Variants in INPP4B observed in about 807,000 individuals in gnomAD.
The protein encoded by INPP4B is inositol polyphosphate-4-phosphatase type II B.
A neutral mutation model predicts 122.5 loss-of-function variants in INPP4B; 55 were observed. The observed-to-expected ratio is 0.45, with a 90% confidence interval of 0.36 to 0.56. The LOEUF (loss-of-function observed/expected upper bound fraction) is 0.56, where lower values mean the gene tolerates loss of function less well. Ranked by LOEUF, INPP4B falls within the 20% of genes least tolerant of loss-of-function variation. The pLI, the probability that INPP4B is intolerant of heterozygous loss-of-function variation, is 0.00. For synonymous variants in INPP4B, 403 were observed against 388.7 expected, an observed-to-expected ratio of 1.04 and a Z score of -0.43; for missense variants, 1,000 against 1,097.7, an observed-to-expected ratio of 0.91 and a Z score of 1.26.
In INPP4B at chr4:142,025,852, A is replaced by C. The variant is rs758400045; in HGVS notation, c.*2930T>G. On this transcript the variant is annotated 3_prime_UTR_variant, in exon 26 of 26. Coordinates refer to ENST00000262992, the MANE Select transcript of INPP4B (RefSeq NM_001101669.3). The stretch of plus-strand genomic sequence containing the variant: ...AACAAATGGTTGCTCGACTCACTGA[A>C]TTATGAGGCTGACCAAACTTATGTT... 1 of 152,184 alleles carries C rather than the reference A, an allele frequency of 6.6e-6. No homozygotes were observed. The highest frequency in any genetic ancestry group is 1.5e-5 in the Non-Finnish European group (1 of 68,046). 9.4% of individuals were successfully genotyped at this position (152,184 alleles called of 1,614,324 possible).
chr4:142,312,088 C>T (rs1372043674), intron 8 of INPP4B, among the ~76,000 whole-genome samples: 1 of 152,174 alleles, frequency 6.6e-6, no homozygotes, highest in Admixed American at 6.5e-5. Context: ...TCACAGGATA[C>T]CAATTGAGAT....
intron 23 of INPP4B, among the ~76,000 whole-genome samples, chr4:142,091,111 G>A (rs1413727032): frequency 6.6e-6 from 1 of 152,070 alleles, no homozygotes; most frequent in Non-Finnish European, 1.5e-5. Context: ...AACCTGGAGG[G>A]GTACAAAGGG....
At chr4:142,242,421 C>T (rs1242370833) in intron 11 of INPP4B, among the ~76,000 whole-genome samples, 1 of 152,124 alleles carries the variant, frequency 6.6e-6, no homozygotes, top group Non-Finnish European at 1.5e-5. Context: ...TATTTGTCTG[C>T]AGTTGGTGAC....
intron 11 of INPP4B, among the ~76,000 whole-genome samples, chr4:142,249,249 C>T (rs1730704815): frequency 6.6e-6 from 1 of 152,010 alleles, no homozygotes; most frequent in South Asian, 2.1e-4. Flanking sequence ...GGGGGAAACT[C>T]ACTCTAAATG....
chr4:142,145,815 A>G (rs768503361), intron 18 of INPP4B, 25 bp downstream of exon 18: 20 of 1,608,730 alleles, frequency 1.2e-5, no homozygotes, highest in Middle Eastern at 1.7e-4. Context: ...TCAGTAAATG[A>G]TTGGGAAAAA....
intron 2 of INPP4B, among the ~76,000 whole-genome samples, chr4:142,659,000 T>C (rs1754662514): frequency 6.6e-6 from 1 of 152,188 alleles, no homozygotes; most frequent in Non-Finnish European, 1.5e-5. Flanking sequence ...AAAAGGCGTA[T>C]GTAGAAATAA....
chr4:142,271,919 A>G (rs1393963333), intron 9 of INPP4B, among the ~76,000 whole-genome samples: 1 of 152,216 alleles, frequency 6.6e-6, no homozygotes. Context: ...TCCGAGCAAG[A>G]AAAACTACAG....
Position 142,463,754 on chromosome 4 carries a change from G to C in INPP4B, c.-190-1028C>G, listed in dbSNP as rs920604593. 2.6e-5 allele frequency among the ~76,000 whole-genome samples: 4 copies of C among 152,024 alleles called. No homozygotes were observed. In the East Asian group the frequency reaches 5.8e-4, roughly 22 times the overall value. ...CTCACAAGATCTTATGGTTTTATAA[G>C]ATCTTCCCCCTTTTGCTCTGTGCTT... On this transcript the variant is annotated intron_variant, in intron 2 of 25. Transcript: ENST00000262992.
chr4:142,532,431 T>G (rs1467349804), intron 2 of INPP4B, among the ~76,000 whole-genome samples: 1 of 152,108 alleles, frequency 6.6e-6, no homozygotes, highest in Non-Finnish European at 1.5e-5. Flanking sequence ...TCAGGGAACA[T>G]TTTCCTAACC....
chr4:142,838,303 A>T (rs2151202848), intron 1 of INPP4B, among the ~76,000 whole-genome samples: 1 of 151,814 alleles, frequency 6.6e-6, no homozygotes, highest in East Asian at 1.9e-4. Context: ...GCTTTTCTCT[A>T]CTTCCCATTT....
intron 2 of INPP4B, among the ~76,000 whole-genome samples, chr4:142,691,088 A>G (rs1317413942): frequency 6.6e-6 from 1 of 152,140 alleles, no homozygotes; most frequent in Non-Finnish European, 1.5e-5. Flanking sequence ...GTTTAAATCC[A>G]TTCCCACGAG....
At position 142,193,108 on chromosome 4, in the gene INPP4B, C is replaced by A. The variant is rs866217456; in HGVS notation, c.1160G>T (p.Arg387Ile). The A allele has an allele frequency of 1.2e-6, 2 of 1,609,190 alleles. No individual in the cohort carries two copies. Among genetic ancestry groups the A allele is most frequent in the African/African-American group, 2.7e-5 (2 of 74,920 alleles). ...KNGGLRKLLH[R>I]FETERRNTGY... Reference sequence around the variant, plus strand: ...TTACTTTCTTCTTTCTGTTTCAAATCTATGGAGTAGCTTCCGAAGACCACC... The same window carrying A: ...TTACTTTCTTCTTTCTGTTTCAAATATATGGAGTAGCTTCCGAAGACCACC... Residue 387 changes from arginine to isoleucine, a missense_variant, in exon 15 of 26, where the codon AGA (arginine) becomes ATA (isoleucine). Transcript: ENST00000262992.
At chr4:142,435,362 A>G (rs564850760) in intron 3 of INPP4B, among the ~76,000 whole-genome samples, 1 of 152,168 alleles carries the variant, frequency 6.6e-6, no homozygotes, top group Admixed American at 6.6e-5. Context: ...GAAACTTGCC[A>G]TTCCTACCAC....
intron 2 of INPP4B, among the ~76,000 whole-genome samples, chr4:142,514,050 A>G (rs576364497): frequency 6.6e-6 from 1 of 152,170 alleles, no homozygotes. Context: ...CCAAATGTCC[A>G]TCTCCAAGTA....
chr4:142,746,975 G>A (rs1220633457), intron 1 of INPP4B, among the ~76,000 whole-genome samples: 1 of 152,080 alleles, frequency 6.6e-6, no homozygotes, highest in Non-Finnish European at 1.5e-5. Flanking sequence ...AAGACTTCAT[G>A]ACTAAAACAC....
intron 2 of INPP4B, among the ~76,000 whole-genome samples, chr4:142,592,430 C>T (rs916616125): frequency 9.2e-5 from 14 of 151,962 alleles, no homozygotes; most frequent in Non-Finnish European, 1.5e-4. Context: ...CAGATACTTT[C>T]AAATAAAAAA....
At position 142,214,944 on chromosome 4, in the gene INPP4B, T is replaced by G. The variant is rs74616445; in HGVS notation, c.837-5918A>C. ...TATATTACTTATTTTCCTCATTATT[T>G]GTCATCGTACCACAATATGTTAGAG... On this transcript the variant is annotated intron_variant, in intron 12 of 25. Transcript: ENST00000262992. Among the ~76,000 whole-genome samples, 286 of 152,348 alleles carry G rather than the reference T, an allele frequency of 1.9e-3. 3 individuals carry two copies. Among genetic ancestry groups the G allele is most frequent in the African/African-American group, 6.5e-3 (272 of 41,588 alleles).
At chr4:142,291,366 GAC>G (rs1257168985) in intron 9 of INPP4B, among the ~76,000 whole-genome samples, 4 of 152,148 alleles carry the variant, frequency 2.6e-5, no homozygotes, top group African/African-American at 9.7e-5. Flanking sequence ...TCTAACTAAT[GAC>G]AGAACTTAGA....
chr4:142,360,163 T>C (rs1784933945), intron 7 of INPP4B, among the ~76,000 whole-genome samples: 1 of 151,942 alleles, frequency 6.6e-6, no homozygotes, highest in South Asian at 2.1e-4. Flanking sequence ...TCTGTTAACA[T>C]TTCTATGATT....
Sources: allele counts gnomAD v4.1 joint callset (sites outside exome capture counted in the v4.1 genomes callset), GRCh38; gene constraint gnomAD v4.1.1; transcripts MANE v1.5; gene names NCBI Gene and HGNC (gene_info 2026-07-23, HGNC 2026-07-21).